The following TIAM1 variants were observed in gnomAD, a reference collection of about 807,000 sequenced individuals.
TIAM1 encodes the protein rho guanine nucleotide exchange factor TIAM1.
A neutral mutation model predicts 163.5 loss-of-function variants in TIAM1; 65 were observed. That is an observed-to-expected ratio of 0.40 (90% CI 0.33 to 0.49). The LOEUF (loss-of-function observed/expected upper bound fraction) is 0.49, where lower values mean the gene tolerates loss of function less well. Ranked by LOEUF, TIAM1 falls within the 20% of genes least tolerant of loss-of-function variation. The pLI, the probability that TIAM1 is intolerant of heterozygous loss-of-function variation, is 0.77. For synonymous variants in TIAM1, 833 were observed against 810.1 expected (o/e 1.03, Z -0.48); for missense variants, 1,789 against 2,044.7 (o/e 0.87, Z 2.41).
At chr21:31,228,218 TTTAAAAAAAAAA>T (rs2088116235) in intron 6 of TIAM1, among the ~76,000 whole-genome samples, 2 of 19,040 alleles carry the variant, frequency 1.1e-4, no homozygotes, top group Admixed American at 7.9e-4. Flanking sequence ...GCCTCCTTTT[TTTAAAAAAAAAA>T]AAAAAAAAAA....
chr21:31,430,225 A>AATAT (rs35708801), intron 2 of TIAM1, among the ~76,000 whole-genome samples: 179 of 90,134 alleles, frequency 2.0e-3, no homozygotes, highest in African/African-American at 4.7e-3. Context: ...AAAAAAAAAA[A>AATAT]ATATATATAT....
Position 31,154,548 on chromosome 21 carries a change from T to TA in TIAM1, c.2992-123_2992-122insT, listed in dbSNP as rs1175020160. ...CAACTGTCACATATGAATGTCGTCT[T>TA]GTGTTTCCACAAATTGCTCCACATT... is the stretch of plus-strand genomic sequence containing the variant. On this transcript the variant is annotated intron_variant, in intron 16 of 27. Transcript: ENST00000541036. 1.6e-5 allele frequency: 16 copies of TA among 1,010,266 alleles called. No individual in the cohort carries two copies. In the East Asian group the frequency reaches 3.9e-4, roughly 25 times the overall value. The allele number at this position is 1,010,266 out of a possible 1,614,324, so 62.6% of individuals were successfully genotyped here.
chr21:31,298,826 A>AGAG (rs1569183770), intron 2 of TIAM1, among the ~76,000 whole-genome samples: 4 of 141,520 alleles, frequency 2.8e-5, no homozygotes, highest in South Asian at 2.3e-4. Context: ...GAGAGAGAGA[A>AGAG]AAACAGATGG....
intron 2 of TIAM1, among the ~76,000 whole-genome samples, chr21:31,389,704 C>T (rs2076937876): frequency 6.6e-6 from 1 of 152,206 alleles, no homozygotes; most frequent in African/African-American, 2.4e-5. Flanking sequence ...CATTTAATCT[C>T]TTATTTTCAA....
intron 1 of TIAM1, among the ~76,000 whole-genome samples, chr21:31,529,810 C>T (rs550443355): frequency 6.6e-6 from 1 of 152,310 alleles, no homozygotes; most frequent in East Asian, 1.9e-4. Context: ...CTCATGCCCC[C>T]TTCCTCTCGA....
At chr21:31,455,649 T>A (rs1047441624) in intron 2 of TIAM1, among the ~76,000 whole-genome samples, 2 of 151,972 alleles carry the variant, frequency 1.3e-5, no homozygotes, top group African/African-American at 4.8e-5. Flanking sequence ...AAACTATGAG[T>A]TAATAGTAGA....
intron 10 of TIAM1, among the ~76,000 whole-genome samples, chr21:31,210,660 A>AAG (rs1555891044): frequency 3.3e-4 from 6 of 18,316 alleles, no homozygotes; most frequent in African/African-American, 1.6e-3. Context: ...AAAGAAAGAA[A>AAG]GAAAGAAAAA....
chr21:31,148,452 G>A (rs965231720), intron 19 of TIAM1, among the ~76,000 whole-genome samples: 1 of 152,168 alleles, frequency 6.6e-6, no homozygotes, highest in East Asian at 1.9e-4. Context: ...AGCCATGAGG[G>A]ACTGTGAGTC....
At chr21:31,191,740 A>C (rs2085572023) in intron 13 of TIAM1, among the ~76,000 whole-genome samples, 1 of 152,160 alleles carries the variant, frequency 6.6e-6, no homozygotes, top group South Asian at 2.1e-4. Context: ...TACCCTCCTC[A>C]GGGGGTAAAA....
chr21:31,224,628 A>G (rs997449585), intron 7 of TIAM1, among the ~76,000 whole-genome samples: 7 of 152,204 alleles, frequency 4.6e-5, no homozygotes, highest in African/African-American at 1.7e-4. Flanking sequence ...TCAGGGCTAG[A>G]TGGGGGAGTG....
Position 31,426,975 on chromosome 21 carries a change from CA to C in TIAM1, c.-369+37007del, listed in dbSNP as rs779407739. Among the ~76,000 whole-genome samples, 213 of 152,232 alleles carry C rather than the reference CA, an allele frequency of 1.4e-3. 4 individuals carry two copies. The highest frequency in any genetic ancestry group is 4.7e-4 in the Non-Finnish European group (32 of 68,018). ...AGTGTTTGTTGCCCAGGCTGAAGTG[CA>C]GTGGCACAATCATATCTCATTGCAG... On this transcript the variant is annotated intron_variant, in intron 2 of 28. Coordinates refer to the TIAM1 transcript ENST00000286827.
chr21:31,273,050 C>T (rs1276740185), intron 3 of TIAM1, among the ~76,000 whole-genome samples: 1 of 152,066 alleles, frequency 6.6e-6, no homozygotes, highest in African/African-American at 2.4e-5. Flanking sequence ...ACTAAAAACT[C>T]TGGACCAAAA....
intron 6 of TIAM1, among the ~76,000 whole-genome samples, chr21:31,239,985 C>G (rs777396001): frequency 2.0e-5 from 3 of 152,078 alleles, no homozygotes; most frequent in South Asian, 4.1e-4. Context: ...ATATGTTTGT[C>G]CAACAGAAAT....
chr21:31,295,861 G>C (rs1368890295), intron 2 of TIAM1, among the ~76,000 whole-genome samples: 1 of 152,144 alleles, frequency 6.6e-6, no homozygotes, highest in Non-Finnish European at 1.5e-5. Flanking sequence ...GCAGTGGAGC[G>C]ATGTTGGCTC....
intron 6 of TIAM1, among the ~76,000 whole-genome samples, chr21:31,228,815 G>A (rs1857674497): frequency 6.6e-6 from 1 of 152,208 alleles, no homozygotes. Context: ...AGTTCAGCAT[G>A]GCTGAGGAGG....
intron 2 of TIAM1, among the ~76,000 whole-genome samples, chr21:31,441,142 T>G (rs932440073): frequency 6.6e-6 from 1 of 152,218 alleles, no homozygotes; most frequent in African/African-American, 2.4e-5. Context: ...CTTTGTGATT[T>G]TGCTGGTTCA....
At chr21:31,543,043 G>T (rs1265202538) in intron 1 of TIAM1, among the ~76,000 whole-genome samples, 2 of 152,096 alleles carry the variant, frequency 1.3e-5, no homozygotes, top group Admixed American at 1.3e-4. Context: ...ATATCGGTGC[G>T]ATGTTTTTCT....
chr21:31,486,231 G>C (rs2046268207), intron 1 of TIAM1, among the ~76,000 whole-genome samples: 1 of 152,200 alleles, frequency 6.6e-6, no homozygotes, highest in Non-Finnish European at 1.5e-5. Flanking sequence ...CTGGAACGCA[G>C]GACACTTTCC....
At chr21:31,158,051 C>A (rs1049268318) in intron 16 of TIAM1, among the ~76,000 whole-genome samples, 3 of 152,144 alleles carry the variant, frequency 2.0e-5, no homozygotes, top group Non-Finnish European at 4.4e-5. Context: ...TTGAGAATTC[C>A]ATTTTTAAGA....
Sources: gnomAD v4.1 joint callset for allele counts (sites outside exome capture counted in the v4.1 genomes callset) on GRCh38, gnomAD v4.1.1 for gene constraint, MANE v1.5 for transcripts, NCBI Gene and HGNC (gene_info 2026-07-23, HGNC 2026-07-21) for gene names.